Variants in CACNA1C observed in about 807,000 individuals in gnomAD.
The protein encoded by CACNA1C is voltage-dependent L-type calcium channel subunit alpha-1C.
In CACNA1C, 30 loss-of-function variants were observed where a neutral mutation model predicts 229.0. The observed-to-expected ratio is 0.13, with a 90% confidence interval of 0.10 to 0.18. The LOEUF is 0.18. Among genes scored for constraint, CACNA1C ranks in the 10% least tolerant of loss-of-function variants. The probability of loss-of-function intolerance (pLI) is 1.00; values close to 1 mark genes in which losing one functional copy is unlikely to be tolerated. For synonymous variants in CACNA1C, 1,114 were observed against 1,132.5 expected (o/e 0.98, Z 0.33); for missense variants, 1,658 against 2,845.0 (o/e 0.58, Z 9.49).
At chr12:2,245,852 A>G (rs930688852) in intron 3 of CACNA1C, among the ~76,000 whole-genome samples, 7 of 152,190 alleles carry the variant, frequency 4.6e-5, no homozygotes, top group African/African-American at 9.7e-5. Flanking sequence ...CTGCTGTGCT[A>G]TTACATACAG....
intron 3 of CACNA1C, among the ~76,000 whole-genome samples, chr12:2,282,805 A>G (rs2091724098): frequency 6.6e-6 from 1 of 152,240 alleles, no homozygotes; most frequent in African/African-American, 2.4e-5. Flanking sequence ...GTAACAGGAT[A>G]CTTAAGGACT....
chr12:2,091,572 C>T (rs747494962), intron 1 of CACNA1C, among the ~76,000 whole-genome samples: 2 of 152,146 alleles, frequency 1.3e-5, no homozygotes, highest in Non-Finnish European at 2.9e-5. Flanking sequence ...CTCGTGCCTT[C>T]CTCTTCCGAG....
chr12:2,260,475 T>TA (rs549203538), intron 3 of CACNA1C, among the ~76,000 whole-genome samples: 10,622 of 100,862 alleles, frequency 0.11, 802 homozygotes, highest in East Asian at 0.25. Context: ...CTGTCTCTAT[T>TA]AAAAAAAAAA....
At chr12:2,303,138 A>G (rs956485774) in intron 3 of CACNA1C, among the ~76,000 whole-genome samples, 3 of 152,320 alleles carry the variant, frequency 2.0e-5, no homozygotes, top group Admixed American at 6.5e-5. Flanking sequence ...AGCCGCTAGT[A>G]TGGACTCGTG....
intron 3 of CACNA1C, among the ~76,000 whole-genome samples, chr12:2,341,891 C>G (rs2096875316): frequency 6.6e-6 from 1 of 152,210 alleles, no homozygotes; most frequent in South Asian, 2.1e-4. Flanking sequence ...AGCCCATCGG[C>G]ACAACCCACA....
intron 3 of CACNA1C, among the ~76,000 whole-genome samples, chr12:2,293,107 G>T (rs183699875): frequency 6.6e-6 from 1 of 152,212 alleles, no homozygotes; most frequent in Non-Finnish European, 1.5e-5. Context: ...GGCCTTAGTG[G>T]GTGCACTTCA....
chr12:2,217,948 C>T (rs544001412), intron 3 of CACNA1C: 3 of 152,276 alleles, frequency 2.0e-5, no homozygotes, highest in African/African-American at 7.2e-5. Context: ...CTTCCACGGA[C>T]ACTTTTACGT....
intron 9 of CACNA1C, 28 bp from the exon 10 acceptor site, chr12:2,549,915 T>C (rs1372862804): frequency 6.5e-7 from 1 of 1,528,808 alleles, no homozygotes. Flanking sequence ...CCTCAATGCC[T>C]GGCTCTGCTT....
chr12:2,539,002 C>T (rs569093777), intron 9 of CACNA1C, among the ~76,000 whole-genome samples: 25 of 152,320 alleles, frequency 1.6e-4, no homozygotes, highest in African/African-American at 5.8e-4. Flanking sequence ...GCGACGTCGC[C>T]TGATGGGGCT....
intron 9 of CACNA1C, among the ~76,000 whole-genome samples, chr12:2,525,738 T>C (rs914783285): frequency 2.6e-5 from 4 of 152,212 alleles, no homozygotes; most frequent in Non-Finnish European, 5.9e-5. Context: ...TCCTTCAGGA[T>C]TACTTCACCA....
At chr12:2,301,134 C>T (rs1256533105) in intron 3 of CACNA1C, among the ~76,000 whole-genome samples, 6 of 152,188 alleles carry the variant, frequency 3.9e-5, no homozygotes, top group African/African-American at 7.2e-5. Context: ...ACACTTAGCA[C>T]GGCCCAAGAG....
rs1246091719 is a variant in CACNA1C, at chr12:2,693,840, G to T, written c.*2641G>T. On this transcript the variant is annotated 3_prime_UTR_variant, in exon 47 of 47. Transcript: ENST00000399655. ...CCATTAAATCTCTTCCAGTCCTAGT[G>T]TTCCCTGAGCCCCTCTTGGCACATA... is the stretch of plus-strand genomic sequence containing the variant. 1 of 152,152 alleles carries T rather than the reference G, an allele frequency of 6.6e-6. No individual in the cohort carries two copies. Among genetic ancestry groups the T allele is most frequent in the Non-Finnish European group, 1.5e-5 (1 of 68,044 alleles). 9.4% of individuals were successfully genotyped at this position (152,152 alleles called of 1,614,324 possible).
At chr12:2,427,639 G>A (rs2099045189) in intron 3 of CACNA1C, among the ~76,000 whole-genome samples, 1 of 151,746 alleles carries the variant, frequency 6.6e-6, no homozygotes, top group African/African-American at 2.4e-5. Context: ...TTTATTTTTT[G>A]AGATGGAGTT....
intron 3 of CACNA1C, chr12:2,221,553 A>G (rs2061473496): frequency 6.6e-6 from 1 of 152,260 alleles, no homozygotes; most frequent in Admixed American, 6.5e-5. Flanking sequence ...AGTCTTGTCA[A>G]GAGTGTTGGG....
At chr12:1,985,637 T>C (rs2037475567) in intron 1 of CACNA1C, among the ~76,000 whole-genome samples, 1 of 152,204 alleles carries the variant, frequency 6.6e-6, no homozygotes. Flanking sequence ...TCCTGGCTAG[T>C]AATTTTGGAT....
rs1373750218 is a variant in CACNA1C at position 2,689,457 on chromosome 12, A to G, written c.6117+678A>G. Among the ~76,000 whole-genome samples the G allele has an allele frequency of 6.6e-6, 1 of 152,090 alleles. No individual in the cohort carries two copies. Among genetic ancestry groups the G allele is most frequent in the East Asian group, 1.9e-4 (1 of 5,174 alleles). On this transcript the variant is annotated intron_variant, in intron 46 of 46. Coordinates refer to ENST00000399655, the MANE Select transcript of CACNA1C (RefSeq NM_000719.7). This position sits in a 1 kb window ranked among gnomAD's most constrained non-coding sequence, Gnocchi z 4.2. ...GTGCGATACACCTCTCACACCTGCA[A>G]CGGGTGGGATGGGGAAAGGGTGGCA...
chr12:2,485,524 G>A (rs2099694351), intron 5 of CACNA1C, among the ~76,000 whole-genome samples: 1 of 152,120 alleles, frequency 6.6e-6, no homozygotes, highest in African/African-American at 2.4e-5. Context: ...TTTTTTACCA[G>A]AGGGATCTGG....
At chr12:2,211,879 C>T (rs370414794) in intron 3 of CACNA1C, among the ~76,000 whole-genome samples, 167 of 152,092 alleles carry the variant, frequency 1.1e-3, no homozygotes, top group African/African-American at 3.4e-3. Flanking sequence ...CCACCACTCC[C>T]GGCTAATTTT....
intron 29 of CACNA1C, among the ~76,000 whole-genome samples, chr12:2,617,844 T>C (rs1332411345): frequency 6.6e-6 from 1 of 152,174 alleles, no homozygotes; most frequent in Non-Finnish European, 1.5e-5. Flanking sequence ...GGTGGGTGCA[T>C]GGGGAAGTTC....
Sources: gnomAD v4.1 joint callset for allele counts (sites outside exome capture counted in the v4.1 genomes callset) on GRCh38, gnomAD v4.1.1 for gene constraint, Gnocchi (gnomAD v3.1) non-coding constraint, MANE v1.5 for transcripts, NCBI Gene and HGNC (gene_info 2026-07-23, HGNC 2026-07-21) for gene names.